The following CHD9NB variants were observed in gnomAD, a reference collection of about 807,000 sequenced individuals.
CHD9NB encodes the protein CHD9 neighbor protein.
the CHD9NB span, among the ~76,000 whole-genome samples, chr16:53,037,427 G>A: frequency 0.015 from 2,207 of 152,118 alleles, 22 homozygotes; most frequent in Non-Finnish European, 0.02. Context: ...CTTGCATATC[G>A]GAGTTTCCAT....
the CHD9NB span, among the ~76,000 whole-genome samples, chr16:53,051,846 G>A: frequency 1.5e-5 from 2 of 135,114 alleles, no homozygotes; most frequent in African/African-American, 3.0e-5. Context: ...CATATATAAA[G>A]CACAGCGTCC....
chr16:53,042,186 A>G, the CHD9NB span, among the ~76,000 whole-genome samples: 3 of 148,942 alleles, frequency 2.0e-5, no homozygotes, highest in South Asian at 6.4e-4. Flanking sequence ...CTCATCCCTC[A>G]TTCCTCCAAC....
the CHD9NB span, among the ~76,000 whole-genome samples, chr16:53,041,823 T>G: frequency 9.4e-4 from 142 of 151,570 alleles, 2 homozygotes; most frequent in African/African-American, 3.3e-3. Flanking sequence ...GCTTGGCCTA[T>G]CCCCAGTAAG....
chr16:53,048,926 A>G, the CHD9NB span, among the ~76,000 whole-genome samples: 12 of 152,198 alleles, frequency 7.9e-5, no homozygotes, highest in African/African-American at 2.4e-4. Context: ...TTGCCCATTT[A>G]AGTCAGGCTC....
chr16:53,050,593 A>G, the CHD9NB span, among the ~76,000 whole-genome samples: 1 of 152,206 alleles, frequency 6.6e-6, no homozygotes, highest in Admixed American at 6.5e-5. Context: ...ATTACACTTC[A>G]TAACACCTGA....
chr16:53,051,731 C>T, the CHD9NB span, among the ~76,000 whole-genome samples: 1 of 145,466 alleles, frequency 6.9e-6, no homozygotes, highest in Non-Finnish European at 1.5e-5. Context: ...AACAAACCTG[C>T]ACATTGTGCA....
chr16:53,036,363 C>T, the CHD9NB span, among the ~76,000 whole-genome samples: 6 of 152,276 alleles, frequency 3.9e-5, no homozygotes, highest in Admixed American at 2.0e-4. Flanking sequence ...CATTGGTCAC[C>T]GTCTCCCATC....
At chr16:53,038,803 T>G in the CHD9NB span, among the ~76,000 whole-genome samples, 1 of 152,134 alleles carries the variant, frequency 6.6e-6, no homozygotes, top group Non-Finnish European at 1.5e-5. Context: ...AGTGAATGGA[T>G]TAAAACTCCC....
chr16:53,044,055 G>A, the CHD9NB span: 1 of 398,826 alleles, frequency 2.5e-6, no homozygotes. Context: ...GCAGTCTGCT[G>A]CCTGGGTGCC....
At chr16:53,052,375 C>A in the CHD9NB span, among the ~76,000 whole-genome samples, 1 of 152,164 alleles carries the variant, frequency 6.6e-6, no homozygotes, top group East Asian at 1.9e-4. Flanking sequence ...GATGACAGAA[C>A]AAGACCCCAT....
the CHD9NB span, among the ~76,000 whole-genome samples, chr16:53,041,452 T>C: frequency 2.6e-5 from 4 of 152,232 alleles, no homozygotes; most frequent in Non-Finnish European, 4.4e-5. Context: ...AGATGAAGAA[T>C]TCTGTTTTTA....
At chr16:53,050,951 G>C in the CHD9NB span, among the ~76,000 whole-genome samples, 1 of 151,298 alleles carries the variant, frequency 6.6e-6, no homozygotes, top group Non-Finnish European at 1.5e-5. Context: ...GCAGTCGTGC[G>C]ATCTTGGCTT....
the CHD9NB span, chr16:53,052,798 A>G: frequency 6.4e-6 from 1 of 155,892 alleles, no homozygotes; most frequent in East Asian, 1.9e-4. Context: ...ATTCACCTTC[A>G]CCAGGGCACC....
At chr16:53,041,824 C>T in the CHD9NB span, among the ~76,000 whole-genome samples, 1 of 152,182 alleles carries the variant, frequency 6.6e-6, no homozygotes, top group African/African-American at 2.4e-5. Context: ...CTTGGCCTAT[C>T]CCCAGTAAGC....
chr16:53,041,769 C>T, the CHD9NB span, among the ~76,000 whole-genome samples: 30 of 150,382 alleles, frequency 2.0e-4, no homozygotes, highest in African/African-American at 7.2e-4. Flanking sequence ...GGGAGAAAAA[C>T]AGAGTTGTCT....
the CHD9NB span, among the ~76,000 whole-genome samples, chr16:53,048,167 G>A: frequency 6.6e-6 from 1 of 152,290 alleles, no homozygotes; most frequent in African/African-American, 2.4e-5. Flanking sequence ...ACTGTGGGAG[G>A]CTGAGGCAGG....
chr16:53,051,768 AATAT>A, the CHD9NB span, among the ~76,000 whole-genome samples: 1,009 of 104,288 alleles, frequency 9.7e-3, 11 homozygotes, highest in African/African-American at 0.036. Context: ...TAAAAGTATA[AATAT>A]ATATATATAT....
the CHD9NB span, among the ~76,000 whole-genome samples, chr16:53,048,159 T>C: frequency 2.6e-5 from 4 of 152,168 alleles, no homozygotes; most frequent in Non-Finnish European, 4.4e-5. Context: ...ATCCCAGCAC[T>C]GTGGGAGGCT....
the CHD9NB span, chr16:53,035,818 A>G: frequency 0.42 from 63,787 of 151,920 alleles, 14,167 homozygotes; most frequent in Non-Finnish European, 0.48. Context: ...ATTAAAAATT[A>G]GCCAGGCATG....
Sources: allele counts gnomAD v4.1 joint callset (sites outside exome capture counted in the v4.1 genomes callset), GRCh38; gene constraint gnomAD v4.1.1; transcripts MANE v1.5; gene names NCBI Gene and HGNC (gene_info 2026-07-23, HGNC 2026-07-21).